The following ALPK2 variants were observed in gnomAD, a reference collection of about 807,000 sequenced individuals.
ALPK2 encodes alpha kinase 2.
In ALPK2, 127 loss-of-function variants were observed where a neutral mutation model predicts 163.1. That is an observed-to-expected ratio of 0.78 (90% CI 0.67 to 0.90). ALPK2 has a LOEUF of 0.90. Ranked by LOEUF, ALPK2 falls within the 40% of genes least tolerant of loss-of-function variation. The pLI, the probability that ALPK2 is intolerant of heterozygous loss-of-function variation, is 0.00. For synonymous variants in ALPK2, 953 were observed against 959.1 expected, an observed-to-expected ratio of 0.99 and a Z score of 0.12; for missense variants, 2,360 against 2,589.6, an observed-to-expected ratio of 0.91 and a Z score of 1.92.
In ALPK2 at chr18:58,580,315, G is replaced by A; in HGVS notation, c.461C>T (p.Ser154Phe). Residue 154 changes from serine to phenylalanine, a missense_variant, in exon 4 of 13, where the codon TCC becomes TTC. Ser to Phe is a radical substitution (Grantham distance 155). Coordinates refer to ENST00000361673, the MANE Select transcript of ALPK2 (RefSeq NM_052947.4). ...GTCAGCTGACCTGGGAGTGCCCGGG[G>A]AGATGCTTTCTTCTTCCTTATAAGG... The part of the protein sequence containing the change: ...EHPYKEEESI[S>F]PGTPRSADSS... 1.2e-6 allele frequency: 2 copies of A among 1,614,136 alleles called. No individual in the cohort carries two copies. Among genetic ancestry groups the A allele is most frequent in the Non-Finnish European group, 1.7e-6 (2 of 1,180,024 alleles).
chr18:58,550,504 A>ATACAACCCCATCCCCATCTCTATCACC (rs1555671036), intron 4 of ALPK2, among the ~76,000 whole-genome samples: 2,312 of 15,332 alleles, frequency 0.15, 414 homozygotes, highest in Non-Finnish European at 0.16. Context: ...TCTATATCAT[A>ATACAACCCCATCCCCATCTCTATCACC]TACAACCCCA....
intron 10 of ALPK2, among the ~76,000 whole-genome samples, chr18:58,505,325 C>T (rs911112671): frequency 1.3e-5 from 2 of 152,024 alleles, no homozygotes; most frequent in Admixed American, 6.5e-5. Context: ...ACACCTCCTC[C>T]CCCAACCGCA....
Position 58,537,680 on chromosome 18 carries a change from C to T in ALPK2, c.2507G>A (p.Cys836Tyr). ...TTCTGCCAGTTCCGTATCTACAGAG[C>T]AAATTTCTTGAGGCGAATATTTATC... The part of the protein sequence containing the change: ...PVDKYSPQEI[C>Y]SVDTELAEGQ... The change falls in exon 5 of 13, where the codon TGC becomes TAC. Residue 836 changes from cysteine to tyrosine, a missense_variant. Coordinates refer to ENST00000361673, the MANE Select transcript of ALPK2 (RefSeq NM_052947.4). 6.2e-7 allele frequency: 1 copy of T among 1,614,016 alleles called. No individual in the cohort carries two copies. Among genetic ancestry groups the T allele is most frequent in the Non-Finnish European group, 8.5e-7 (1 of 1,179,904 alleles).
At chr18:58,555,189 C>T (rs566305542) in intron 4 of ALPK2, among the ~76,000 whole-genome samples, 41 of 152,184 alleles carry the variant, frequency 2.7e-4, no homozygotes, top group Non-Finnish European at 4.6e-4. Flanking sequence ...ACTGCAAGTT[C>T]GAGTTGTTCG....
chr18:58,499,184 A>G (rs1419579179), intron 11 of ALPK2, among the ~76,000 whole-genome samples: 1 of 152,180 alleles, frequency 6.6e-6, no homozygotes, highest in Non-Finnish European at 1.5e-5. Context: ...TATCAAAACC[A>G]AAACAGTAGA....
chr18:58,567,528 A>G (rs940191100), intron 4 of ALPK2, among the ~76,000 whole-genome samples: 3 of 152,182 alleles, frequency 2.0e-5, no homozygotes, highest in African/African-American at 7.2e-5. Context: ...GACTCCAAGC[A>G]GAGTAGAACC....
At chr18:58,581,371 A>G (rs555581849) in intron 3 of ALPK2, among the ~76,000 whole-genome samples, 1 of 152,342 alleles carries the variant, frequency 6.6e-6, no homozygotes, top group African/African-American at 2.4e-5. Context: ...TTTTAATTGA[A>G]TGTGACTAAA....
Position 58,481,885 on chromosome 18 carries a change from G to A in ALPK2, c.6451C>T (p.Gln2151Ter). Reference sequence around the variant, plus strand: ...TTCTTTATTGTCATAGAGTTTGTTTGAACTTTGCTTTTCCCAATGCTCGGC... The same window carrying A: ...TTCTTTATTGTCATAGAGTTTGTTTAAACTTTGCTTTTCCCAATGCTCGGC... ...KQPSIGKSKV[Q>*]TNSMTIKKAG... The change falls in exon 13 of 13, where the codon CAA becomes TAA. Residue 2151 changes from glutamine to a stop codon, truncating the protein, a stop_gained. Coordinates refer to ENST00000361673, the MANE Select transcript of ALPK2 (RefSeq NM_052947.4). LOFTEE classifies it low-confidence loss of function (END_TRUNC). 1 of 1,614,146 alleles carries A rather than the reference G, an allele frequency of 6.2e-7. No individual in the cohort carries two copies. The highest frequency in any genetic ancestry group is 8.5e-7 in the Non-Finnish European group (1 of 1,180,020).
intron 4 of ALPK2, among the ~76,000 whole-genome samples, chr18:58,569,685 T>G (rs1434922205): frequency 6.6e-6 from 1 of 152,160 alleles, no homozygotes; most frequent in Non-Finnish European, 1.5e-5. Context: ...AAACTGCAGG[T>G]CCAGGACAGT....
At chr18:58,583,729 C>T (rs1389822588) in intron 3 of ALPK2, among the ~76,000 whole-genome samples, 1 of 123,192 alleles carries the variant, frequency 8.1e-6, no homozygotes, top group African/African-American at 3.2e-5. Context: ...CAGAGCAAGA[C>T]TTTGTCTCAA....
At chr18:58,547,891 A>G (rs1024952432) in intron 4 of ALPK2, among the ~76,000 whole-genome samples, 1 of 152,230 alleles carries the variant, frequency 6.6e-6, no homozygotes, top group East Asian at 1.9e-4. Flanking sequence ...AGACAAAATG[A>G]TAAGGGGAAA....
At chr18:58,578,729 AAG>A in intron 4 of ALPK2, 83 bp downstream of exon 4, 6 of 112,546 alleles carry the variant, frequency 5.3e-5, no homozygotes, top group Non-Finnish European at 6.5e-5. Flanking sequence ...GAAGTAAAGG[AAG>A]AGACACACAC....
At chr18:58,610,668 G>A (rs558087909) in intron 2 of ALPK2, among the ~76,000 whole-genome samples, 10 of 152,292 alleles carry the variant, frequency 6.6e-5, no homozygotes, top group African/African-American at 2.2e-4. Flanking sequence ...AGGGCCAGGC[G>A]CGGTGGCTCA....
intron 1 of ALPK2, among the ~76,000 whole-genome samples, chr18:58,621,506 C>A (rs1315596091): frequency 2.6e-5 from 4 of 152,086 alleles, no homozygotes; most frequent in African/African-American, 9.7e-5. Flanking sequence ...CTCCTGACAT[C>A]GTGATCCGCC....
At chr18:58,519,676 G>A (rs1005437363) in intron 8 of ALPK2, among the ~76,000 whole-genome samples, 9 of 152,092 alleles carry the variant, frequency 5.9e-5, no homozygotes, top group African/African-American at 1.4e-4. Context: ...AATCTTAGAC[G>A]TATTCTTTGT....
rs3809975 is a variant in ALPK2 at position 58,537,257 on chromosome 18, C to T, written c.2930G>A (p.Ser977Asn). The change falls in exon 5 of 13, where the codon AGT becomes AAT. Residue 977 changes from serine (S) to asparagine (N), a missense_variant. Coordinates refer to ENST00000361673, the MANE Select transcript of ALPK2 (RefSeq NM_052947.4). ...AGGAAAACTCACAATTGAACTATAA[C>T]TGGCTGGTGTGGCTGTGGTGTCTGC... ...SAADTTATPA[S>N]YSSIVSFPWE... The T allele has an allele frequency of 1.2e-6, 2 of 1,614,184 alleles. No individual in the cohort carries two copies. The highest frequency in any genetic ancestry group is 1.7e-6 in the Non-Finnish European group (2 of 1,180,016).
chr18:58,523,893 C>T (rs547993769), intron 7 of ALPK2, 42 bp downstream of exon 7: 13 of 1,614,126 alleles, frequency 8.1e-6, no homozygotes, highest in South Asian at 4.4e-5. Context: ...CCATTGTGAA[C>T]GGGCAGGGGC....
chr18:58,487,157 T>C (rs1028568241), intron 12 of ALPK2, among the ~76,000 whole-genome samples: 1 of 118,364 alleles, frequency 8.4e-6, no homozygotes, highest in Non-Finnish European at 1.8e-5. Flanking sequence ...TATTTGGAAA[T>C]CACATCATTA....
intron 1 of ALPK2, among the ~76,000 whole-genome samples, chr18:58,621,802 A>G (rs191066310): frequency 2.0e-5 from 3 of 152,308 alleles, no homozygotes; most frequent in Admixed American, 2.0e-4. Context: ...CCTAATAAAC[A>G]AGTAAAAGCT....
Sources: allele counts gnomAD v4.1 joint callset (sites outside exome capture counted in the v4.1 genomes callset), GRCh38; gene constraint gnomAD v4.1.1; transcripts MANE v1.5; gene names NCBI Gene and HGNC (gene_info 2026-07-23, HGNC 2026-07-21).